Variants in KMT2E observed in about 807,000 individuals in gnomAD.
The protein encoded by KMT2E is histone reader KMT2E.
In KMT2E, 30 loss-of-function variants were observed where a neutral mutation model predicts 184.6. The observed-to-expected ratio is 0.16, with a 90% CI of 0.12 to 0.22. KMT2E has a LOEUF of 0.22. Ranked by LOEUF, KMT2E falls within the 10% of genes least tolerant of loss-of-function variation. The pLI is 1.00. For synonymous variants in KMT2E, 815 were observed against 776.5 expected, an observed-to-expected ratio of 1.05 and a Z score of -0.82; for missense variants, 2,023 against 2,237.4, an observed-to-expected ratio of 0.90 and a Z score of 1.93.
chr7:105,029,444 G>A (rs740297), intron 1 of KMT2E, among the ~76,000 whole-genome samples: 39,554 of 152,088 alleles, frequency 0.26, 7,324 homozygotes, highest in East Asian at 0.58. Flanking sequence ...CTCTGAGGGA[G>A]GAGGGAAATG....
intron 5 of KMT2E, 67 bp downstream of exon 5, chr7:105,063,647 G>A: frequency 1.9e-6 from 2 of 1,050,752 alleles, no homozygotes; most frequent in South Asian, 1.6e-5. Context: ...TGTTGGAAAA[G>A]ATAACTAAAG....
intron 1 of KMT2E, among the ~76,000 whole-genome samples, chr7:105,033,655 C>A (rs1385693306): frequency 2.0e-5 from 3 of 152,058 alleles, no homozygotes; most frequent in East Asian, 1.9e-4. Flanking sequence ...CCCGCCACCA[C>A]GCCTGGCTAA....
chr7:105,056,474 C>T (rs779758863), intron 3 of KMT2E, among the ~76,000 whole-genome samples: 19 of 152,150 alleles, frequency 1.2e-4, no homozygotes, highest in Non-Finnish European at 2.1e-4. Context: ...TTGAAGATTC[C>T]ACCTGCCATG....
At chr7:105,053,199 A>G (rs560201720) in intron 3 of KMT2E, among the ~76,000 whole-genome samples, 15 of 152,300 alleles carry the variant, frequency 9.8e-5, no homozygotes, top group African/African-American at 3.6e-4. Flanking sequence ...TAAAGGCATT[A>G]GGAAACTGGC....
chr7:105,101,563 A>G lies in KMT2E; in HGVS notation c.1861A>G (p.Ile621Val). The change falls in exon 16 of 27, where the codon ATT (isoleucine) becomes GTT (valine). Residue 621 changes from isoleucine to valine, a missense_variant. Coordinates refer to ENST00000311117, the MANE Select transcript of KMT2E (RefSeq NM_182931.3). ...TAAAACTGAATGTAAAGATACACAG[A>G]TTGTCAGTGATGCTGAAGTTATTCA... ...EVKTECKDTQ[I>V]VSDAEVIQEQ... 1 of 1,559,650 alleles carries G rather than the reference A, an allele frequency of 6.4e-7. No homozygotes were observed. Among genetic ancestry groups the G allele is most frequent in the Non-Finnish European group, 8.6e-7 (1 of 1,160,756 alleles).
chr7:105,107,678 C>T lies in KMT2E; in HGVS notation c.3221C>T (p.Thr1074Ile), dbSNP rs1798972688. 1 of 1,614,160 alleles carries T rather than the reference C, an allele frequency of 6.2e-7. No homozygotes were observed. The highest frequency in any genetic ancestry group is 8.5e-7 in the Non-Finnish European group (1 of 1,180,034). ...TCCTGGGTAAAGAGCCCTGACAGAACAGGAGTTAACTTCTCAGTGAACTCC... is the reference window on the plus strand; with the variant it reads ...TCCTGGGTAAAGAGCCCTGACAGAATAGGAGTTAACTTCTCAGTGAACTCC... ...YSSWVKSPDR[T>I]GVNFSVNSNL... Residue 1074 changes from threonine (T) to isoleucine (I), a missense_variant, in exon 22 of 27, where the codon ACA becomes ATA. Thr to Ile is a moderately conservative substitution (Grantham distance 89). This residue lies in a region of KMT2E where 1,108 missense variants were observed against 1,050.9 expected (regional missense o/e 1.05). Transcript: ENST00000311117.
chr7:105,073,527 T>G (rs1797411816), intron 6 of KMT2E, 92 bp from the exon 7 acceptor site: 1 of 779,716 alleles, frequency 1.3e-6, no homozygotes, highest in Non-Finnish European at 2.1e-6. Flanking sequence ...GGTTTTTCAC[T>G]GAGAACATTA....
At position 105,091,312 on chromosome 7, in the gene KMT2E, A is replaced by C; in HGVS notation, c.1720A>C (p.Met574Leu). The C allele has an allele frequency of 6.3e-7, 1 of 1,585,702 alleles. No homozygotes were observed. Among genetic ancestry groups the C allele is most frequent in the Non-Finnish European group, 8.7e-7 (1 of 1,154,208 alleles). The change falls in exon 15 of 27, where the codon ATG (methionine) becomes CTG (leucine). Residue 574 changes from methionine (M) to leucine (L), a missense_variant and splice_region_variant. Physicochemically the swap from Met to Leu is conservative, Grantham distance 15. This residue lies in a region of KMT2E where 514 missense variants were observed against 621.8 expected (regional missense o/e 0.83). Coordinates refer to ENST00000311117, the MANE Select transcript of KMT2E (RefSeq NM_182931.3). ...GCAGATTGCAGAAAGGAAAAGGAAG[A>C]TGGTAAGTTGGGAAGCCAGTAGTTT... The part of the protein sequence containing the change: ...EEQIAERKRK[M>L]TREERKMEAI...
rs577774357 is a variant in KMT2E, at chr7:105,105,358, A to G, written c.2197-81A>G. Reference sequence around the variant, plus strand: ...AATTTATCATTTTAGATAATACACCAATTTCAAATCTGGTATTAGAATATT... The same window carrying G: ...AATTTATCATTTTAGATAATACACCGATTTCAAATCTGGTATTAGAATATT... On this transcript the variant is annotated intron_variant, in intron 17 of 26. Transcript: ENST00000311117. 8.8e-5 allele frequency: 92 copies of G among 1,043,158 alleles called. No homozygotes were observed. In the South Asian group the frequency reaches 1.5e-3, roughly 17 times the overall value. The allele number at this position is 1,043,158 out of a possible 1,614,324, so 64.6% of individuals were successfully genotyped here. A position where few individuals can be genotyped will look rare whatever the true frequency, so the allele number is the denominator to read the frequency against.
chr7:105,025,028 T>C (rs1795115898), intron 1 of KMT2E, among the ~76,000 whole-genome samples: 1 of 152,150 alleles, frequency 6.6e-6, no homozygotes, highest in Non-Finnish European at 1.5e-5. Context: ...AAAGCATGTG[T>C]ACTTAAGAGG....
chr7:105,056,556 T>C (rs1459972993), intron 3 of KMT2E, among the ~76,000 whole-genome samples: 1 of 152,242 alleles, frequency 6.6e-6, no homozygotes, highest in Non-Finnish European at 1.5e-5. Flanking sequence ...CTATATGTTA[T>C]TTGTAGTAAA....
At chr7:105,075,188 CT>C (rs34014525) in intron 8 of KMT2E, among the ~76,000 whole-genome samples, 7,345 of 140,448 alleles carry the variant, frequency 0.052, 494 homozygotes, top group East Asian at 0.39. Flanking sequence ...TCTTTGCCTC[CT>C]TTTTTTTTTT....
chr7:105,108,739 TGA>T (rs1799021639), intron 22 of KMT2E: 1 of 551,454 alleles, frequency 1.8e-6, no homozygotes, highest in South Asian at 2.1e-5. Flanking sequence ...TGAGGATAAA[TGA>T]GATAATGTAT....
At position 105,110,215 on chromosome 7, in the gene KMT2E, T is replaced by C. The variant is rs139437507; in HGVS notation, c.3756-65T>C. 2.3e-5 allele frequency: 29 copies of C among 1,262,080 alleles called. No individual in the cohort carries two copies. In the East Asian group the frequency reaches 5.6e-4, roughly 24 times the overall value. 78.2% of individuals were successfully genotyped at this position (1,262,080 alleles called of 1,614,324 possible). A position where few individuals can be genotyped will look rare whatever the true frequency, so the allele number is the denominator to read the frequency against. On this transcript the variant is annotated intron_variant, in intron 23 of 26. Transcript: ENST00000311117. ...TTGGTCTGACAGTACATGTTGACTA[T>C]GAAGCAACAATGTAACTAGCAGTAG...
At chr7:105,026,894 T>G (rs1267526525) in intron 1 of KMT2E, among the ~76,000 whole-genome samples, 1 of 152,154 alleles carries the variant, frequency 6.6e-6, no homozygotes, top group East Asian at 1.9e-4. Context: ...TTGGTACCTC[T>G]TACCTCCTAA....
intron 15 of KMT2E, among the ~76,000 whole-genome samples, chr7:105,095,047 C>T (rs910067278): frequency 1.3e-5 from 2 of 152,202 alleles, no homozygotes; most frequent in Non-Finnish European, 2.9e-5. Context: ...TAAAATCATG[C>T]TGAATTTCCA....
chr7:105,089,332 A>G (rs1475498255), intron 13 of KMT2E: 1 of 360,272 alleles, frequency 2.8e-6, no homozygotes, highest in Non-Finnish European at 5.4e-6. Flanking sequence ...TCGCGTAGCC[A>G]GGATTACAGG....
chr7:105,057,442 T>C (rs2129566736), intron 3 of KMT2E, among the ~76,000 whole-genome samples: 1 of 152,254 alleles, frequency 6.6e-6, no homozygotes, highest in Admixed American at 6.5e-5. Context: ...TGAGTTGTTT[T>C]TTTTGTTTGT....
At position 105,081,273 on chromosome 7, in the gene KMT2E, A is replaced by G. The variant is rs188118830; in HGVS notation, c.1249-415A>G. 3.5e-4 allele frequency among the ~76,000 whole-genome samples: 53 copies of G among 151,832 alleles called. 1 individual carries two copies. The East Asian group carries it at 0.01, about 29-fold the overall frequency. On this transcript the variant is annotated intron_variant, in intron 12 of 26. Coordinates refer to ENST00000311117, the MANE Select transcript of KMT2E (RefSeq NM_182931.3). ...GTGGCAGGTGCCTGTAGTTCCAGCT[A>G]CTCGGGAGGCTGAGGCAGGAGAATG... is the stretch of plus-strand genomic sequence containing the variant.
Sources: allele counts gnomAD v4.1 joint callset (sites outside exome capture counted in the v4.1 genomes callset), GRCh38; gene constraint gnomAD v4.1.1; regional missense constraint gnomAD v4.1.1; transcripts MANE v1.5; gene names NCBI Gene and HGNC (gene_info 2026-07-23, HGNC 2026-07-21).